Variants in ZNF438 observed in about 807,000 individuals in gnomAD.
ZNF438 encodes the protein zinc finger protein 438.
ZNF438 carries 25 observed loss-of-function variants against 38.0 expected under a neutral mutation model. The observed-to-expected ratio is 0.66, with a 90% confidence interval of 0.48 to 0.92. The LOEUF (loss-of-function observed/expected upper bound fraction) is 0.92. ZNF438 is among the 40% of genes least tolerant of loss of function. The pLI, the probability that ZNF438 is intolerant of heterozygous loss-of-function variation, is 0.00. For missense variants in ZNF438, 1,007 were observed against 999.6 expected (o/e 1.01, Z -0.10); for synonymous variants, 372 against 364.1 (o/e 1.02, Z -0.25).
At chr10:30,891,332 C>T (rs886637277) in intron 3 of ZNF438, among the ~76,000 whole-genome samples, 1 of 151,754 alleles carries the variant, frequency 6.6e-6, no homozygotes, top group African/African-American at 2.4e-5. Flanking sequence ...AATTTTTGCT[C>T]TTTCTGGAAA....
chr10:30,947,289 T>C (rs992735808), intron 1 of ZNF438, among the ~76,000 whole-genome samples: 2 of 152,224 alleles, frequency 1.3e-5, no homozygotes, highest in Admixed American at 6.5e-5. Context: ...GGCCCACAAA[T>C]TGTGAGGTAC....
At chr10:30,922,437 CTT>C (rs1439117976) in intron 2 of ZNF438, among the ~76,000 whole-genome samples, 4 of 152,188 alleles carry the variant, frequency 2.6e-5, no homozygotes, top group Non-Finnish European at 4.4e-5. Flanking sequence ...TAAATACCAG[CTT>C]TGTCAATTAG....
intron 1 of ZNF438, among the ~76,000 whole-genome samples, chr10:30,968,004 G>GA (rs892591840): frequency 3.3e-5 from 5 of 151,824 alleles, no homozygotes; most frequent in Admixed American, 1.3e-4. Context: ...AGAAAAAGGG[G>GA]AAAAAAAGAC....
rs191810185 is a variant in ZNF438, at chr10:30,951,200, C to G, written c.-191-9549G>C. On this transcript the variant is annotated intron_variant, in intron 1 of 5. Coordinates refer to ENST00000413025, the Ensembl canonical transcript of ZNF438. Reference sequence around the variant, plus strand: ...AAAGCCTTTGACAAAATTCAACAAACTTTCATACTAAAAACTCTCAATAAA... The same window carrying G: ...AAAGCCTTTGACAAAATTCAACAAAGTTTCATACTAAAAACTCTCAATAAA... Among the ~76,000 whole-genome samples the G allele has an allele frequency of 1.6e-3, 250 of 151,784 alleles. 1 individual carries two copies. The highest frequency in any genetic ancestry group is 2.9e-3 in the Non-Finnish European group (194 of 67,858).
chr10:30,948,644 G>A (rs1442126629), intron 1 of ZNF438, among the ~76,000 whole-genome samples: 2 of 151,108 alleles, frequency 1.3e-5, no homozygotes, highest in Admixed American at 6.6e-5. Flanking sequence ...GGAAGAAAGG[G>A]TATCAGCGAT....
At chr10:30,954,182 G>T (rs2048600929) in intron 1 of ZNF438, among the ~76,000 whole-genome samples, 1 of 152,084 alleles carries the variant, frequency 6.6e-6, no homozygotes, top group Non-Finnish European at 1.5e-5. Context: ...GGTAAATTTG[G>T]CTAAGAAGAT....
At chr10:30,911,766 G>C (rs1334575954) in intron 2 of ZNF438, among the ~76,000 whole-genome samples, 2 of 152,020 alleles carry the variant, frequency 1.3e-5, no homozygotes, top group African/African-American at 4.8e-5. Context: ...GCTCTCTCTA[G>C]ATCATTTCAC....
At chr10:31,005,156 C>T (rs1387625188) in intron 1 of ZNF438, among the ~76,000 whole-genome samples, 1 of 152,192 alleles carries the variant, frequency 6.6e-6, no homozygotes, top group African/African-American at 2.4e-5. Flanking sequence ...GATACTTGCA[C>T]TCCCATGTTC....
chr10:30,966,374 T>TA (rs1294753292), intron 1 of ZNF438, among the ~76,000 whole-genome samples: 7 of 151,742 alleles, frequency 4.6e-5, no homozygotes, highest in Admixed American at 4.6e-4. Context: ...CTTTTGCTGT[T>TA]AAAAAGAATC....
intron 3 of ZNF438, among the ~76,000 whole-genome samples, chr10:30,893,303 CAGGACTT>C (rs1178627923): frequency 6.6e-6 from 1 of 152,178 alleles, no homozygotes; most frequent in Admixed American, 6.5e-5. Context: ...TTCCCATCTC[CAGGACTT>C]AGAAGGGTGA....
At chr10:30,858,951 C>T (rs1392550056) in intron 4 of ZNF438, among the ~76,000 whole-genome samples, 5 of 152,182 alleles carry the variant, frequency 3.3e-5, no homozygotes, top group Non-Finnish European at 5.9e-5. Flanking sequence ...AGGAGCTGAG[C>T]TTCTTTATCA....
At chr10:30,930,035 C>T (rs998236970) in intron 2 of ZNF438, among the ~76,000 whole-genome samples, 3 of 152,200 alleles carry the variant, frequency 2.0e-5, no homozygotes, top group African/African-American at 7.2e-5. Context: ...GCAGGTGGAG[C>T]TGCAGCCAGT....
At chr10:30,896,199 G>A (rs891255659) in intron 3 of ZNF438, among the ~76,000 whole-genome samples, 1 of 151,826 alleles carries the variant, frequency 6.6e-6, no homozygotes, top group African/African-American at 2.4e-5. Context: ...GGGAGGCTGA[G>A]GCAGGAGAAC....
chr10:30,924,086 T>G (rs2044633212), intron 2 of ZNF438, among the ~76,000 whole-genome samples: 2 of 152,208 alleles, frequency 1.3e-5, no homozygotes, highest in Non-Finnish European at 2.9e-5. Context: ...AAAATTACAT[T>G]TCTGTAGTAA....
chr10:30,969,022 G>GA lies in ZNF438; in HGVS notation c.-191-27372dup, dbSNP rs372973511. On this transcript the variant is annotated intron_variant, in intron 1 of 5. Transcript: ENST00000413025. ...GTTAGGGTAACAAAAATACAATGGA[G>GA]AAAAAAGTGGCATTTCCAATGTGAC... 4.9e-4 allele frequency among the ~76,000 whole-genome samples: 74 copies of GA among 152,026 alleles called. 2 individuals carry two copies. Among genetic ancestry groups the GA allele is most frequent in the African/African-American group, 1.7e-3 (69 of 41,498 alleles).
At chr10:30,857,706 A>G in intron 4 of ZNF438, 1 of 1,505,420 alleles carries the variant, frequency 6.6e-7, no homozygotes, top group Admixed American at 2.0e-5. Context: ...AGAAATCCAG[A>G]AAGGCTGTTG....
chr10:31,000,514 C>T (rs2132793024), intron 1 of ZNF438, among the ~76,000 whole-genome samples: 1 of 152,322 alleles, frequency 6.6e-6, no homozygotes, highest in Middle Eastern at 3.4e-3. Context: ...AATATATTCC[C>T]TCCCATCCAT....
At position 30,849,204 on chromosome 10, in the gene ZNF438, TC is replaced by T; in HGVS notation, c.1200del (p.Arg401GlyfsTer15). ...CTACACTTATTAATGATATATTTCC[TC>T]CTTTTTCCCTGAAATGCCAAAATTT... On this transcript the variant is annotated frameshift_variant, in exon 5 of 6. Transcript: ENST00000413025. LOFTEE classifies it high-confidence loss of function. The T allele has an allele frequency of 6.2e-7, 1 of 1,614,128 alleles. No individual in the cohort carries two copies. Among genetic ancestry groups the T allele is most frequent in the African/African-American group, 1.3e-5 (1 of 75,048 alleles).
intron 3 of ZNF438, among the ~76,000 whole-genome samples, chr10:30,902,981 C>T (rs1352994064): frequency 3.7e-5 from 3 of 80,570 alleles, no homozygotes; most frequent in Admixed American, 1.1e-4. Context: ...GGGGAGAAAT[C>T]GAGCGCAGCG....
Sources: gnomAD v4.1 joint callset for allele counts (sites outside exome capture counted in the v4.1 genomes callset) on GRCh38, gnomAD v4.1.1 for gene constraint, MANE v1.5 for transcripts, NCBI Gene and HGNC (gene_info 2026-07-23, HGNC 2026-07-21) for gene names.